The following ADAM10 variants were observed in gnomAD, a reference collection of about 807,000 sequenced individuals.
ADAM10 encodes ADAM metallopeptidase domain 10, also known as disintegrin and metalloproteinase domain-containing protein 10.
ADAM10 carries 17 observed loss-of-function variants against 90.1 expected under a neutral mutation model. The observed-to-expected ratio is 0.19, with a 90% CI of 0.13 to 0.28. The LOEUF (loss-of-function observed/expected upper bound fraction) is 0.28. Ranked by LOEUF, ADAM10 falls within the 10% of genes least tolerant of loss-of-function variation. The probability of loss-of-function intolerance (pLI) is 1.00; values close to 1 mark genes in which losing one functional copy is unlikely to be tolerated. For synonymous variants in ADAM10, 310 were observed against 298.6 expected, an observed-to-expected ratio of 1.04 and a Z score of -0.40; for missense variants, 610 against 914.3, an observed-to-expected ratio of 0.67 and a Z score of 4.29.
intron 1 of ADAM10, among the ~76,000 whole-genome samples, chr15:58,733,948 C>T (rs568979369): frequency 4.0e-5 from 6 of 150,652 alleles, no homozygotes; most frequent in Non-Finnish European, 8.9e-5. Flanking sequence ...AAGGCTGTTG[C>T]TTCTCATTCT....
At chr15:58,676,322 G>C (rs1180787146) in intron 4 of ADAM10, 3 of 455,486 alleles carry the variant, frequency 6.6e-6, no homozygotes, top group African/African-American at 6.0e-5. Context: ...AGGTGTGCCA[G>C]TATCTCATAA....
At chr15:58,647,289 C>G in intron 5 of ADAM10, among the ~76,000 whole-genome samples, 1 of 34,822 alleles carries the variant, frequency 2.9e-5, no homozygotes, top group African/African-American at 7.7e-5. Flanking sequence ...GAGACAGAGT[C>G]TCACTCTGTT....
At chr15:58,736,121 T>C (rs576690126) in intron 1 of ADAM10, among the ~76,000 whole-genome samples, 1 of 152,324 alleles carries the variant, frequency 6.6e-6, no homozygotes, top group East Asian at 1.9e-4. Flanking sequence ...ATGTTCTTGT[T>C]AAGCCAGGCT....
At chr15:58,695,783 T>C (rs1200069413) in intron 2 of ADAM10, among the ~76,000 whole-genome samples, 2 of 151,872 alleles carry the variant, frequency 1.3e-5, no homozygotes, top group Admixed American at 1.3e-4. Context: ...GAGTTCAAGA[T>C]CAGCCTGGCC....
intron 2 of ADAM10, among the ~76,000 whole-genome samples, chr15:58,683,114 T>C (rs901122057): frequency 6.6e-6 from 1 of 152,172 alleles, no homozygotes; most frequent in African/African-American, 2.4e-5. Context: ...ATAACGTATA[T>C]AAAGTCATAA....
intron 11 of ADAM10, among the ~76,000 whole-genome samples, chr15:58,613,369 G>C (rs1895508320): frequency 6.6e-6 from 1 of 152,056 alleles, no homozygotes; most frequent in Admixed American, 6.5e-5. Flanking sequence ...CAGGCACACA[G>C]ACATGAACAC....
At chr15:58,684,031 T>C (rs1196580309) in intron 2 of ADAM10, among the ~76,000 whole-genome samples, 17 of 152,164 alleles carry the variant, frequency 1.1e-4, no homozygotes, top group Admixed American at 1.1e-3. Context: ...AGTATTTGTA[T>C]ATATACATCC....
chr15:58,616,875 G>A (rs111482860), intron 11 of ADAM10, among the ~76,000 whole-genome samples: 2,013 of 152,234 alleles, frequency 0.013, 55 homozygotes, highest in African/African-American at 0.045. Context: ...TTGGGAGGCC[G>A]AGGCGGACAG....
intron 4 of ADAM10, among the ~76,000 whole-genome samples, chr15:58,673,434 GCTT>G (rs1356822997): frequency 1.4e-5 from 2 of 146,640 alleles, no homozygotes; most frequent in African/African-American, 5.0e-5. Flanking sequence ...CACTGTAAAT[GCTT>G]CTAATAACAA....
chr15:58,640,933 G>A lies in ADAM10; in HGVS notation c.856C>T (p.Pro286Ser), dbSNP rs1265904674. Residue 286 changes from proline to serine, a missense_variant, in exon 8 of 16, where the codon CCT becomes TCT. Around this residue, in one of 4 missense-constraint regions of ADAM10, gnomAD observed 310 missense variants for 362.4 expected, o/e 0.86. Transcript: ENST00000260408. Reference sequence around the variant, plus strand: ...TTTGGGAAACGGAAAGGATTTGTAGGGTCCTTCTCATCAGCAGTTGTATTG... The same window carrying A: ...TTTGGGAAACGGAAAGGATTTGTAGAGTCCTTCTCATCAGCAGTTGTATTG... Reference protein sequence around the residue: ...RINTTADEKDPTNPFRFPNIG... With the variant: ...RINTTADEKDSTNPFRFPNIG... 2 of 1,613,920 alleles carry A rather than the reference G, an allele frequency of 1.2e-6. No homozygotes were observed. Among genetic ancestry groups the A allele is most frequent in the East Asian group, 2.2e-5 (1 of 44,872 alleles).
chr15:58,703,311 A>C (rs1026087493), intron 2 of ADAM10, among the ~76,000 whole-genome samples: 12 of 149,202 alleles, frequency 8.0e-5, no homozygotes, highest in African/African-American at 1.7e-4. Context: ...AAAAAAAAAA[A>C]CACACAGAAA....
chr15:58,640,713 A>G lies in ADAM10; in HGVS notation c.1012+64T>C, dbSNP rs1320487070. On this transcript the variant is annotated intron_variant, in intron 8 of 15. Coordinates refer to ENST00000260408, the MANE Select transcript of ADAM10 (RefSeq NM_001110.4). ...TTCTCCTATACTTTGAAAATTCAAC[A>G]TTCTCTGAAAACTCCCCTTTGTTTC... 42 of 1,490,016 alleles carry G rather than the reference A, an allele frequency of 2.8e-5. No individual in the cohort carries two copies. In the African/African-American group the frequency reaches 3.9e-4, roughly 14 times the overall value. The allele number at this position is 1,490,016 out of a possible 1,614,324, so 92.3% of individuals were successfully genotyped here.
intron 1 of ADAM10, among the ~76,000 whole-genome samples, chr15:58,741,264 T>A (rs1282088613): frequency 2.0e-5 from 3 of 152,194 alleles, no homozygotes; most frequent in Non-Finnish European, 4.4e-5. Context: ...AAGTTCATAG[T>A]TCACATGAAA....
At chr15:58,600,664 A>C (rs944947279) in intron 14 of ADAM10, among the ~76,000 whole-genome samples, 1 of 152,108 alleles carries the variant, frequency 6.6e-6, no homozygotes, top group Admixed American at 6.5e-5. Context: ...AAACAGAAAA[A>C]CCTTCAAAAA....
chr15:58,681,988 C>G (rs1897454737), intron 3 of ADAM10, among the ~76,000 whole-genome samples: 1 of 152,112 alleles, frequency 6.6e-6, no homozygotes, highest in South Asian at 2.1e-4. Context: ...CTTTCAGAAG[C>G]CAGATATTTC....
intron 4 of ADAM10, among the ~76,000 whole-genome samples, chr15:58,671,160 CTAG>C (rs1897182843): frequency 6.6e-6 from 1 of 152,144 alleles, no homozygotes; most frequent in Non-Finnish European, 1.5e-5. Flanking sequence ...ACAGTTTTAA[CTAG>C]TAGATCTACA....
At chr15:58,666,944 A>G (rs574790273) in intron 4 of ADAM10, among the ~76,000 whole-genome samples, 29 of 152,286 alleles carry the variant, frequency 1.9e-4, no homozygotes, top group African/African-American at 5.3e-4. Context: ...AAAATTTCTA[A>G]AAGATGCTGT....
At chr15:58,639,023 A>G (rs1388019257) in intron 8 of ADAM10, among the ~76,000 whole-genome samples, 1 of 152,262 alleles carries the variant, frequency 6.6e-6, no homozygotes, top group African/African-American at 2.4e-5. Context: ...CCAAATTCCT[A>G]CAGAATCATT....
At chr15:58,731,367 C>T (rs1215097399) in intron 1 of ADAM10, among the ~76,000 whole-genome samples, 1 of 152,098 alleles carries the variant, frequency 6.6e-6, no homozygotes, top group African/African-American at 2.4e-5. Flanking sequence ...ACCTGTAATC[C>T]TAACACTTTG....
Sources: gnomAD v4.1 joint callset for allele counts (sites outside exome capture counted in the v4.1 genomes callset) on GRCh38, gnomAD v4.1.1 for gene constraint, gnomAD v4.1.1 regional missense constraint, MANE v1.5 for transcripts, NCBI Gene and HGNC (gene_info 2026-07-23, HGNC 2026-07-21) for gene names.